The following HDAC4 variants were observed in gnomAD, a reference collection of about 807,000 sequenced individuals.
The protein encoded by HDAC4 is histone deacetylase A.
HDAC4 carries 16 observed loss-of-function variants against 135.1 expected under a neutral mutation model. That is an observed-to-expected ratio of 0.12 (90% CI 0.08 to 0.18). The LOEUF is 0.18. Ranked by LOEUF, HDAC4 falls within the 10% of genes least tolerant of loss-of-function variation. The pLI, the probability that HDAC4 is intolerant of heterozygous loss-of-function variation, is 1.00. For missense variants in HDAC4, 1,143 were observed against 1,511.8 expected (o/e 0.76, Z 4.05); for synonymous variants, 685 against 653.4 (o/e 1.05, Z -0.74).
chr2:239,238,634 T>G (rs966561106), intron 2 of HDAC4, among the ~76,000 whole-genome samples: 1 of 152,202 alleles, frequency 6.6e-6, no homozygotes, highest in Non-Finnish European at 1.5e-5. Flanking sequence ...CCAGCTCACA[T>G]GAAGCCCTTT....
intron 2 of HDAC4, among the ~76,000 whole-genome samples, chr2:239,327,277 G>C (rs1339147785): frequency 2.6e-5 from 4 of 152,190 alleles, no homozygotes; most frequent in African/African-American, 9.7e-5. Context: ...CCAGGGCTCG[G>C]CTGAGCCAAT....
intron 2 of HDAC4, among the ~76,000 whole-genome samples, chr2:239,256,819 A>G (rs768924968): frequency 6.6e-6 from 1 of 152,260 alleles, no homozygotes; most frequent in Non-Finnish European, 1.5e-5. Flanking sequence ...TCTCTACCCA[A>G]GCAAGAGTAC....
intron 2 of HDAC4, among the ~76,000 whole-genome samples, chr2:239,336,200 T>G (rs183131272): frequency 2.0e-4 from 31 of 152,292 alleles, no homozygotes; most frequent in African/African-American, 7.2e-4. Flanking sequence ...AAGTGGTATC[T>G]AGAGGGTGTG....
intron 3 of HDAC4, among the ~76,000 whole-genome samples, chr2:239,219,295 AATG>A (rs1293107500): frequency 6.6e-6 from 1 of 152,160 alleles, no homozygotes; most frequent in Non-Finnish European, 1.5e-5. Context: ...AGCCATAAAA[AATG>A]ATGACTTCAT....
chr2:239,258,688 T>C (rs555826642), intron 2 of HDAC4, among the ~76,000 whole-genome samples: 60 of 152,074 alleles, frequency 3.9e-4, no homozygotes, highest in African/African-American at 1.4e-3. Context: ...TAAAGAACAA[T>C]GAAAAGGGTT....
At position 239,309,897 on chromosome 2, in the gene HDAC4, ATGC is replaced by A. The variant is rs1332138220; in HGVS notation, c.22+42778_22+42780del. On this transcript the variant is annotated intron_variant, in intron 2 of 26. Transcript: ENST00000543185. The surrounding 1 kb of genome is among the most constrained non-coding windows in gnomAD (Gnocchi z 4.2). Reference sequence around the variant, plus strand: ...GGTGTTCTGGAAGCTGCCCCCTCCCATGCTGCTGCCTGGTCCCATGGGGCATGA... The same window carrying A: ...GGTGTTCTGGAAGCTGCCCCCTCCCATGCTGCCTGGTCCCATGGGGCATGA... Among the ~76,000 whole-genome samples the A allele has an allele frequency of 1.3e-5, 2 of 152,212 alleles. No homozygotes were observed. The highest frequency in any genetic ancestry group is 2.9e-5 in the Non-Finnish European group (2 of 68,018).
intron 1 of HDAC4, among the ~76,000 whole-genome samples, chr2:239,396,594 T>C (rs1335782160): frequency 1.3e-5 from 2 of 152,222 alleles, no homozygotes; most frequent in Non-Finnish European, 2.9e-5. Flanking sequence ...GGTGATCTCA[T>C]GCTCTCCTTA....
At chr2:239,243,198 G>A (rs1361100567) in intron 2 of HDAC4, among the ~76,000 whole-genome samples, 1 of 151,378 alleles carries the variant, frequency 6.6e-6, no homozygotes, top group Non-Finnish European at 1.5e-5. Context: ...TGTTGCCCAG[G>A]CTGGACTGCA....
chr2:239,190,123 T>C (rs2153043444), intron 3 of HDAC4, 46 bp from the exon 4 acceptor site: 1 of 1,531,208 alleles, frequency 6.5e-7, no homozygotes, highest in Non-Finnish European at 8.7e-7. Context: ...CGCCCTTTGC[T>C]GTCCCTGGGC....
In HDAC4 at chr2:239,053,352, G is replaced by A; in HGVS notation, c.3230+108C>T. 3 of 1,463,858 alleles carry A rather than the reference G, an allele frequency of 2.0e-6. No homozygotes were observed. In the South Asian group the frequency reaches 3.8e-5, roughly 19 times the overall value. 90.7% of individuals were successfully genotyped at this position (1,463,858 alleles called of 1,614,324 possible). A position where few individuals can be genotyped will look rare whatever the true frequency, so the allele number is the denominator to read the frequency against. On this transcript the variant is annotated intron_variant, in intron 26 of 26. Transcript: ENST00000543185. ...AGGGGGCCACACTGGCCTGTCTCTA[G>A]TCTGTTGGGCAGGGCATGTGCCATA...
chr2:239,349,120 C>G lies in HDAC4; in HGVS notation c.22+3558G>C, dbSNP rs764939324. 7.9e-5 allele frequency among the ~76,000 whole-genome samples: 12 copies of G among 152,192 alleles called. No individual in the cohort carries two copies. Among genetic ancestry groups the G allele is most frequent in the Non-Finnish European group, 1.3e-4 (9 of 68,034 alleles). Reference sequence around the variant, plus strand: ...GGGCGGCACGGGCACCCACACCAGGCCACACAGGAGCAGGGCCCCCATGCC... The same window carrying G: ...GGGCGGCACGGGCACCCACACCAGGGCACACAGGAGCAGGGCCCCCATGCC... On this transcript the variant is annotated intron_variant, in intron 2 of 26. Transcript: ENST00000543185. The surrounding 1 kb of genome is among the most constrained non-coding windows in gnomAD (Gnocchi z 5.7).
chr2:239,227,256 T>C (rs2047295158), intron 3 of HDAC4, among the ~76,000 whole-genome samples: 1 of 152,152 alleles, frequency 6.6e-6, no homozygotes, highest in Non-Finnish European at 1.5e-5. Flanking sequence ...GCCCAGGGAC[T>C]ACTACCCTCT....
chr2:239,179,742 C>T (rs369009460), intron 4 of HDAC4, among the ~76,000 whole-genome samples: 1 of 152,350 alleles, frequency 6.6e-6, no homozygotes, highest in East Asian at 1.9e-4. Flanking sequence ...CAGAGGCAAC[C>T]CCGACAGAGT....
chr2:239,247,881 C>A (rs2048557977), intron 2 of HDAC4, among the ~76,000 whole-genome samples: 1 of 152,200 alleles, frequency 6.6e-6, no homozygotes, highest in South Asian at 2.1e-4. Flanking sequence ...ACCCTCTCCT[C>A]CTCTCACCAA....
At chr2:239,290,071 T>A (rs1365560796) in intron 2 of HDAC4, among the ~76,000 whole-genome samples, 2 of 151,950 alleles carry the variant, frequency 1.3e-5, no homozygotes, top group Non-Finnish European at 2.9e-5. Flanking sequence ...GCATCAAGAG[T>A]TAATATAAAT....
At chr2:239,253,247 A>G (rs937239939) in intron 2 of HDAC4, among the ~76,000 whole-genome samples, 2 of 152,206 alleles carry the variant, frequency 1.3e-5, no homozygotes, top group Non-Finnish European at 2.9e-5. Flanking sequence ...CATCAAAACA[A>G]AACAAAGATG....
Position 239,115,027 on chromosome 2 carries a change from C to A in HDAC4, c.1791+26G>T. ...GAGGGTGGCTGTGCGTGCCAGCCTT[C>A]TGGTGCCCTCCCCGCCTGCGGTCAC... is the stretch of plus-strand genomic sequence containing the variant. On this transcript the variant is annotated intron_variant, in intron 13 of 26. Coordinates refer to ENST00000543185, the MANE Select transcript of HDAC4 (RefSeq NM_001378414.1). The surrounding 1 kb of genome is among the most constrained non-coding windows in gnomAD (Gnocchi z 6.3). 1 of 1,606,336 alleles carries A rather than the reference C, an allele frequency of 6.2e-7. No individual in the cohort carries two copies.
chr2:239,232,120 A>G, intron 3 of HDAC4, among the ~76,000 whole-genome samples: 1 of 152,394 alleles, frequency 6.6e-6, no homozygotes, highest in South Asian at 2.1e-4. Context: ...GCTGGAAGCC[A>G]GCTCGACCTC....
intron 2 of HDAC4, among the ~76,000 whole-genome samples, chr2:239,273,605 C>G (rs56137247): frequency 1.3e-5 from 2 of 152,110 alleles, no homozygotes; most frequent in African/African-American, 2.4e-5. Flanking sequence ...CGCCCACGCC[C>G]CCATGCCACA....
Sources: allele counts gnomAD v4.1 joint callset (sites outside exome capture counted in the v4.1 genomes callset), GRCh38; gene constraint gnomAD v4.1.1; non-coding constraint Gnocchi (gnomAD v3.1); transcripts MANE v1.5; gene names NCBI Gene and HGNC (gene_info 2026-07-23, HGNC 2026-07-21).